NFAT5: variants seen among roughly 807,000 people sequenced by gnomAD.
NFAT5 encodes the protein nuclear factor of activated T cells 5.
A neutral mutation model predicts 166.5 loss-of-function variants in NFAT5; 31 were observed. The ratio of observed to expected loss-of-function variants is 0.19; its 90% CI spans 0.14 to 0.25. The LOEUF (loss-of-function observed/expected upper bound fraction) is 0.25. Ranked by LOEUF, NFAT5 falls within the 10% of genes least tolerant of loss-of-function variation. The pLI is 1.00. For synonymous variants in NFAT5, 612 were observed against 639.7 expected (o/e 0.96, Z 0.65); for missense variants, 1,449 against 1,821.8 (o/e 0.80, Z 3.72).
chr16:69,620,240 A>G (rs1428262725), intron 2 of NFAT5, among the ~76,000 whole-genome samples: 2 of 152,156 alleles, frequency 1.3e-5, no homozygotes, highest in African/African-American at 2.4e-5. Flanking sequence ...CTTTCTGCCT[A>G]TCTACTTTTC....
intron 2 of NFAT5, among the ~76,000 whole-genome samples, chr16:69,585,560 A>AGATG (rs1383139577): frequency 1.3e-5 from 2 of 152,186 alleles, no homozygotes; most frequent in Non-Finnish European, 2.9e-5. Context: ...AGCCAAAAGA[A>AGATG]GATGGAGACA....
chr16:69,678,137 G>A (rs924827324), intron 10 of NFAT5, among the ~76,000 whole-genome samples: 1 of 151,756 alleles, frequency 6.6e-6, no homozygotes, highest in Admixed American at 6.6e-5. Context: ...CAGCCTGGGC[G>A]ATAGAGCGAG....
At chr16:69,591,904 T>TTCA (rs1206620647) in intron 2 of NFAT5, among the ~76,000 whole-genome samples, 2 of 152,008 alleles carry the variant, frequency 1.3e-5, no homozygotes, top group South Asian at 2.1e-4. Flanking sequence ...CATTTCAGCC[T>TTCA]GGGTGACAGA....
chr16:69,571,376 G>A (rs983608247), intron 2 of NFAT5, among the ~76,000 whole-genome samples: 14 of 151,922 alleles, frequency 9.2e-5, no homozygotes, highest in African/African-American at 3.4e-4. Flanking sequence ...CCTTTGAGAT[G>A]GTTATTATTA....
chr16:69,657,758 C>CAA (rs1161075361), intron 6 of NFAT5, among the ~76,000 whole-genome samples: 10 of 51,242 alleles, frequency 2.0e-4, no homozygotes, highest in South Asian at 7.2e-4. Flanking sequence ...GACTCCATCT[C>CAA]AAAAAAAAAA....
At chr16:69,636,443 C>G (rs1450002477) in intron 3 of NFAT5, among the ~76,000 whole-genome samples, 1 of 152,198 alleles carries the variant, frequency 6.6e-6, no homozygotes, top group Non-Finnish European at 1.5e-5. Flanking sequence ...GGGTCTCCAA[C>G]CCCACATTTT....
chr16:69,659,351 A>C (rs1282494989), intron 6 of NFAT5, among the ~76,000 whole-genome samples: 1 of 152,016 alleles, frequency 6.6e-6, no homozygotes, highest in East Asian at 1.9e-4. Context: ...CTGAGGCAGG[A>C]GAATCCCTTG....
At chr16:69,688,246 G>A (rs921075639) in intron 11 of NFAT5, among the ~76,000 whole-genome samples, 2 of 148,896 alleles carry the variant, frequency 1.3e-5, no homozygotes, top group African/African-American at 5.0e-5. Context: ...TGAGGCTGCA[G>A]GTACTCACTC....
At chr16:69,602,304 T>C (rs1389538732) in intron 2 of NFAT5, among the ~76,000 whole-genome samples, 3 of 151,134 alleles carry the variant, frequency 2.0e-5, no homozygotes, top group African/African-American at 7.3e-5. Context: ...AGTTTCACTC[T>C]TGTTGCCCAG....
In NFAT5 at chr16:69,670,303, T is replaced by C. The variant is rs771923073; in HGVS notation, c.1557+15T>C. 3 of 1,408,208 alleles carry C rather than the reference T, an allele frequency of 2.1e-6. No individual in the cohort carries two copies. Among genetic ancestry groups the C allele is most frequent in the Admixed American group, 2.5e-5 (1 of 40,016 alleles). The allele number at this position is 1,408,208 out of a possible 1,614,324, so 87.2% of individuals were successfully genotyped here. A position where few individuals can be genotyped will look rare whatever the true frequency, so the allele number is the denominator to read the frequency against. On this transcript the variant is annotated intron_variant, in intron 9 of 14. Coordinates refer to ENST00000349945, the MANE Select transcript of NFAT5 (RefSeq NM_138713.4). ...TATTTCATCAGGTAAAATTTAAGCT[T>C]TTTTTATAATTTGGTTATTTACTCT...
chr16:69,614,876 TC>T (rs1193217683), intron 2 of NFAT5, among the ~76,000 whole-genome samples: 3 of 100,402 alleles, frequency 3.0e-5, no homozygotes, highest in African/African-American at 1.2e-4. Context: ...GTTTTCTTTT[TC>T]CTTTTTTTTT....
chr16:69,687,154 G>C (rs1221063569), intron 11 of NFAT5, among the ~76,000 whole-genome samples: 1 of 151,960 alleles, frequency 6.6e-6, no homozygotes, highest in Non-Finnish European at 1.5e-5. Flanking sequence ...AATAAAATTG[G>C]AACAAGGCCA....
chr16:69,682,432 ACC>A (rs79715784), intron 10 of NFAT5, among the ~76,000 whole-genome samples: 46 of 131,958 alleles, frequency 3.5e-4, no homozygotes, highest in African/African-American at 5.1e-4. Context: ...ATATAGTGAG[ACC>A]CCCCCCCCCG....
intron 3 of NFAT5, among the ~76,000 whole-genome samples, chr16:69,629,411 T>C (rs892495355): frequency 6.6e-6 from 1 of 152,152 alleles, no homozygotes; most frequent in African/African-American, 2.4e-5. Context: ...ATCCAGAATA[T>C]TGGGTAAAAG....
chr16:69,587,283 C>T (rs1212104078), intron 2 of NFAT5, among the ~76,000 whole-genome samples: 1 of 151,764 alleles, frequency 6.6e-6, no homozygotes, highest in Non-Finnish European at 1.5e-5. Flanking sequence ...CCATGTTGGC[C>T]AGGCTGGTCT....
intron 2 of NFAT5, among the ~76,000 whole-genome samples, chr16:69,578,093 T>C (rs988871305): frequency 2.6e-5 from 4 of 152,188 alleles, no homozygotes; most frequent in Non-Finnish European, 5.9e-5. Context: ...TATGTAGCAC[T>C]TACATTGTAT....
At chr16:69,609,405 A>G (rs2033593829) in intron 2 of NFAT5, among the ~76,000 whole-genome samples, 1 of 152,158 alleles carries the variant, frequency 6.6e-6, no homozygotes, top group South Asian at 2.1e-4. Flanking sequence ...AGGCATCTTC[A>G]TTCAGGTTAA....
chr16:69,583,914 A>G (rs918918891), intron 2 of NFAT5, among the ~76,000 whole-genome samples: 1 of 152,116 alleles, frequency 6.6e-6, no homozygotes, highest in Non-Finnish European at 1.5e-5. Context: ...AATAACTGCA[A>G]ATGGGGAACT....
intron 10 of NFAT5, among the ~76,000 whole-genome samples, chr16:69,683,143 G>A (rs1379025989): frequency 2.0e-5 from 3 of 152,112 alleles, no homozygotes; most frequent in East Asian, 1.9e-4. Flanking sequence ...CCCAGGAGGC[G>A]GAGGTTGCAG....
Sources: allele counts gnomAD v4.1 joint callset (sites outside exome capture counted in the v4.1 genomes callset), GRCh38; gene constraint gnomAD v4.1.1; transcripts MANE v1.5; gene names NCBI Gene and HGNC (gene_info 2026-07-23, HGNC 2026-07-21).